The following SLC10A7 variants were observed in gnomAD, a reference collection of about 807,000 sequenced individuals.
SLC10A7 encodes the protein sodium/bile acid cotransporter 7.
A neutral mutation model predicts 43.2 loss-of-function variants in SLC10A7; 29 were observed. That is an observed-to-expected ratio of 0.67 (90% confidence interval 0.50 to 0.92). SLC10A7 has a LOEUF of 0.92. Among genes scored for constraint, SLC10A7 ranks in the 40% least tolerant of loss-of-function variants. The pLI is 0.00. For missense variants in SLC10A7, 295 were observed against 403.2 expected (o/e 0.73, Z 2.30); for synonymous variants, 152 against 144.8 (o/e 1.05, Z -0.35).
chr4:146,423,596 T>TA (rs1173650889), intron 5 of SLC10A7, among the ~76,000 whole-genome samples: 15 of 152,120 alleles, frequency 9.9e-5, no homozygotes, highest in African/African-American at 3.4e-4. Flanking sequence ...AGCGAGGTGG[T>TA]AAAAAAGATC....
At chr4:146,408,224 T>C (rs1479530435) in intron 5 of SLC10A7, among the ~76,000 whole-genome samples, 13 of 152,082 alleles carry the variant, frequency 8.5e-5, no homozygotes, top group Admixed American at 8.5e-4. Context: ...GCCATCTCAC[T>C]ACCATGAAGT....
chr4:146,356,560 A>T (rs1258994077), intron 5 of SLC10A7, among the ~76,000 whole-genome samples: 2 of 145,470 alleles, frequency 1.4e-5, no homozygotes, highest in Non-Finnish European at 3.0e-5. Context: ...CAACTGTCCC[A>T]TCTACAACAG....
intron 5 of SLC10A7, among the ~76,000 whole-genome samples, chr4:146,429,916 C>T (rs1475093331): frequency 1.3e-5 from 2 of 151,912 alleles, no homozygotes; most frequent in East Asian, 1.9e-4. Context: ...ACGTGACATA[C>T]ATAAAAATTT....
intron 4 of SLC10A7, among the ~76,000 whole-genome samples, chr4:146,500,050 C>T (rs757267860): frequency 2.0e-5 from 3 of 152,222 alleles, no homozygotes; most frequent in South Asian, 4.1e-4. Flanking sequence ...AAGAAAACCA[C>T]AGTGCATACT....
intron 4 of SLC10A7, among the ~76,000 whole-genome samples, chr4:146,462,953 C>T (rs955406891): frequency 1.3e-5 from 2 of 152,142 alleles, no homozygotes; most frequent in African/African-American, 2.4e-5. Context: ...TCTTCAAGAT[C>T]TTAAGCTGTG....
At chr4:146,479,941 A>C (rs1038956273) in intron 4 of SLC10A7, among the ~76,000 whole-genome samples, 1 of 152,200 alleles carries the variant, frequency 6.6e-6, no homozygotes, top group South Asian at 2.1e-4. Context: ...TTCAAAAAAC[A>C]AACAAAAAAA....
chr4:146,495,297 A>C (rs1735785108), intron 4 of SLC10A7, among the ~76,000 whole-genome samples: 2 of 152,232 alleles, frequency 1.3e-5, no homozygotes, highest in Admixed American at 1.3e-4. Flanking sequence ...CAGAAAGGCC[A>C]AGTAATTGCT....
At chr4:146,386,919 AGTCTCTTACATAT>A (rs1434450876) in intron 5 of SLC10A7, among the ~76,000 whole-genome samples, 1 of 152,246 alleles carries the variant, frequency 6.6e-6, no homozygotes, top group Non-Finnish European at 1.5e-5. Context: ...AGCTTAGTAT[AGTCTCTTACATAT>A]AGGAGATACT....
At chr4:146,438,156 A>G (rs770387710) in intron 5 of SLC10A7, among the ~76,000 whole-genome samples, 5 of 152,108 alleles carry the variant, frequency 3.3e-5, no homozygotes, top group Non-Finnish European at 7.4e-5. Flanking sequence ...AAAGCAGGGT[A>G]GTAACCGAGA....
At chr4:146,464,461 T>A (rs1732823469) in intron 4 of SLC10A7, among the ~76,000 whole-genome samples, 1 of 152,104 alleles carries the variant, frequency 6.6e-6, no homozygotes, top group Non-Finnish European at 1.5e-5. Flanking sequence ...TAAAAAGTTA[T>A]TAAAATATTA....
chr4:146,469,841 G>A (rs989161340), intron 4 of SLC10A7, among the ~76,000 whole-genome samples: 11 of 151,920 alleles, frequency 7.2e-5, no homozygotes, highest in Non-Finnish European at 1.0e-4. Flanking sequence ...TGTTGCCCAG[G>A]CTAGTCTCAG....
chr4:146,258,051 C>T (rs115639047), intron 11 of SLC10A7, among the ~76,000 whole-genome samples: 3,343 of 152,292 alleles, frequency 0.022, 113 homozygotes, highest in African/African-American at 0.076. Flanking sequence ...AATGCTACCA[C>T]GTGATATGCA....
chr4:146,483,105 G>A (rs959586717), intron 4 of SLC10A7, among the ~76,000 whole-genome samples: 2 of 152,160 alleles, frequency 1.3e-5, no homozygotes, highest in Non-Finnish European at 2.9e-5. Context: ...TCCTTACGTG[G>A]AAATGAAAGG....
chr4:146,348,979 A>T (rs1204830954), intron 5 of SLC10A7, among the ~76,000 whole-genome samples: 1 of 152,184 alleles, frequency 6.6e-6, no homozygotes, highest in African/African-American at 2.4e-5. Flanking sequence ...AACCAAATCA[A>T]TTCCCTTATT....
intron 5 of SLC10A7, among the ~76,000 whole-genome samples, chr4:146,429,677 T>C (rs1729629230): frequency 6.6e-6 from 1 of 152,136 alleles, no homozygotes; most frequent in African/African-American, 2.4e-5. Context: ...TTACAATCTA[T>C]AGTAACCCAT....
intron 5 of SLC10A7, among the ~76,000 whole-genome samples, chr4:146,378,717 C>G (rs941087921): frequency 1.3e-5 from 2 of 152,086 alleles, no homozygotes; most frequent in African/African-American, 4.8e-5. Context: ...GAGAAAAAGG[C>G]CAAACCAAAT....
intron 9 of SLC10A7, among the ~76,000 whole-genome samples, chr4:146,284,661 T>G (rs1477131619): frequency 6.6e-6 from 1 of 152,240 alleles, no homozygotes; most frequent in Non-Finnish European, 1.5e-5. Context: ...TGGATGCATA[T>G]CATATACTCT....
At chr4:146,512,710 T>C (rs980022270) in intron 2 of SLC10A7, among the ~76,000 whole-genome samples, 1 of 152,248 alleles carries the variant, frequency 6.6e-6, no homozygotes, top group African/African-American at 2.4e-5. Flanking sequence ...GGAATATCTG[T>C]TACAACTTAA....
intron 5 of SLC10A7, among the ~76,000 whole-genome samples, chr4:146,399,274 A>G (rs902139352): frequency 1.8e-4 from 28 of 152,236 alleles, no homozygotes; most frequent in African/African-American, 6.5e-4. Flanking sequence ...GTGTAGCATA[A>G]GGTGGAGCCA....
Sources: allele counts gnomAD v4.1 joint callset (sites outside exome capture counted in the v4.1 genomes callset), GRCh38; gene constraint gnomAD v4.1.1; transcripts MANE v1.5; gene names NCBI Gene and HGNC (gene_info 2026-07-23, HGNC 2026-07-21).